The following PHF21B variants were observed in gnomAD, a reference collection of about 807,000 sequenced individuals.
PHF21B encodes the protein PHD finger protein 4.
In PHF21B, 22 loss-of-function variants were observed where a neutral mutation model predicts 62.2. The ratio of observed to expected loss-of-function variants is 0.35; its 90% CI spans 0.25 to 0.51. The LOEUF is 0.51. PHF21B is among the 20% of genes least tolerant of loss of function. PHF21B has a pLI of 0.97. For synonymous variants in PHF21B, 341 were observed against 314.7 expected (o/e 1.08, Z -0.88); for missense variants, 701 against 707.9 (o/e 0.99, Z 0.11).
chr22:44,980,618 C>G (rs901127029), intron 2 of PHF21B, among the ~76,000 whole-genome samples: 11 of 152,194 alleles, frequency 7.2e-5, no homozygotes, highest in African/African-American at 2.2e-4. Context: ...GAGGCAAATT[C>G]AGGGCAGCTG....
intron 2 of PHF21B, among the ~76,000 whole-genome samples, chr22:44,926,601 C>A (rs1367410055): frequency 6.6e-6 from 1 of 152,204 alleles, no homozygotes; most frequent in Non-Finnish European, 1.5e-5. Context: ...CTGCAGATAG[C>A]TCTGGGTGGG....
Position 45,009,410 on chromosome 22 carries a change from G to A in PHF21B, c.54+86C>T, listed in dbSNP as rs2147558231. 2.2e-6 allele frequency: 3 copies of A among 1,350,470 alleles called. No individual in the cohort carries two copies. Among genetic ancestry groups the A allele is most frequent in the Non-Finnish European group, 3.0e-6 (3 of 1,010,638 alleles). 83.7% of individuals were successfully genotyped at this position (1,350,470 alleles called of 1,614,324 possible). On this transcript the variant is annotated intron_variant, in intron 1 of 12. Coordinates refer to ENST00000313237, the MANE Select transcript of PHF21B (RefSeq NM_138415.5). The surrounding 1 kb of genome is among the most constrained non-coding windows in gnomAD (Gnocchi z 5.9). Reference sequence around the variant, plus strand: ...CCAGCCTGGAAGACCCAGAGACCCGGAAGAGAGGATGCTGGGCTCGGGTCC... The same window carrying A: ...CCAGCCTGGAAGACCCAGAGACCCGAAAGAGAGGATGCTGGGCTCGGGTCC...
intron 3 of PHF21B, among the ~76,000 whole-genome samples, chr22:44,918,494 C>T (rs1473590616): frequency 6.6e-6 from 1 of 152,232 alleles, no homozygotes; most frequent in African/African-American, 2.4e-5. Flanking sequence ...TGCCTCCTGG[C>T]CTGTATGCAG....
intron 8 of PHF21B, 150 bp downstream of exon 8, chr22:44,891,156 C>T (rs1168288119): frequency 1.2e-6 from 1 of 828,166 alleles, no homozygotes; most frequent in Non-Finnish European, 1.9e-6. Flanking sequence ...TGGGAGGCTC[C>T]TCTCAGCACA....
intron 2 of PHF21B, among the ~76,000 whole-genome samples, chr22:44,924,031 A>AGAAGAAAGATGAAGAAGAT: frequency 7.4e-6 from 1 of 134,550 alleles, no homozygotes; most frequent in Non-Finnish European, 1.6e-5. Context: ...ATGAAGAAGA[A>AGAAGAAAGATGAAGAAGAT]AGAAGAAAGA....
At chr22:44,930,544 C>A (rs1409181952) in intron 2 of PHF21B, among the ~76,000 whole-genome samples, 1 of 88,704 alleles carries the variant, frequency 1.1e-5, no homozygotes, top group Non-Finnish European at 2.1e-5. Flanking sequence ...ACATAGGAGT[C>A]GGGAGGCGGG....
intron 2 of PHF21B, among the ~76,000 whole-genome samples, chr22:44,946,635 A>ATGGGTGGATGGG (rs1569246197): frequency 6.6e-6 from 1 of 151,522 alleles, no homozygotes; most frequent in Non-Finnish European, 1.5e-5. Context: ...GGGTGGATGG[A>ATGGGTGGATGGG]TGGATGGGTG....
intron 2 of PHF21B, among the ~76,000 whole-genome samples, chr22:44,938,256 CAG>C (rs1035225959): frequency 2.6e-5 from 4 of 151,710 alleles, no homozygotes; most frequent in African/African-American, 9.7e-5. Flanking sequence ...TTTTTTGAGA[CAG>C]AGTCTCACTC....
intron 7 of PHF21B, 27 bp downstream of exon 7, chr22:44,893,430 G>T: frequency 6.3e-7 from 1 of 1,576,072 alleles, no homozygotes. Flanking sequence ...CACCCTCCTG[G>T]TGGCATGGGG....
At chr22:44,968,412 G>C (rs947136159) in intron 2 of PHF21B, among the ~76,000 whole-genome samples, 7 of 152,174 alleles carry the variant, frequency 4.6e-5, no homozygotes, top group Non-Finnish European at 8.8e-5. Flanking sequence ...AGGAGGCTGA[G>C]GTGGGCAGAT....
Position 44,924,379 on chromosome 22 carries a change from A to G in PHF21B, c.121-3889T>C, listed in dbSNP as rs186193657. ...AAGACAGTTTGGCAGTTAAAAAGTT[A>G]AACTTATGTATGGCAATGAACAGAA... On this transcript the variant is annotated intron_variant, in intron 2 of 12. Transcript: ENST00000313237. Among the ~76,000 whole-genome samples, 388 of 152,300 alleles carry G rather than the reference A, an allele frequency of 2.5e-3. 3 individuals are homozygous for G. The highest frequency in any genetic ancestry group is 6.8e-4 in the Non-Finnish European group (46 of 68,024).
chr22:44,959,912 A>G (rs558897607), intron 2 of PHF21B, among the ~76,000 whole-genome samples: 1 of 152,342 alleles, frequency 6.6e-6, no homozygotes, highest in South Asian at 2.1e-4. Flanking sequence ...TGAGGCAGCA[A>G]AAGTAAGCCT....
At chr22:44,928,556 CCCA>C (rs1569234203) in intron 2 of PHF21B, among the ~76,000 whole-genome samples, 1 of 152,038 alleles carries the variant, frequency 6.6e-6, no homozygotes, top group Non-Finnish European at 1.5e-5. Context: ...ATTACAGGCG[CCCA>C]CCACCATGTC....
intron 2 of PHF21B, among the ~76,000 whole-genome samples, chr22:44,959,665 G>A (rs933632136): frequency 1.3e-5 from 2 of 152,214 alleles, no homozygotes; most frequent in African/African-American, 4.8e-5. Flanking sequence ...TCTGAGCTGG[G>A]CACAGCAGAA....
At chr22:44,987,576 T>C (rs1349251999) in intron 2 of PHF21B, among the ~76,000 whole-genome samples, 1 of 152,122 alleles carries the variant, frequency 6.6e-6, no homozygotes, top group African/African-American at 2.4e-5. Context: ...TTGGGGAGGC[T>C]GTGCACAGGG....
chr22:44,943,076 T>C (rs2071993178), intron 2 of PHF21B, among the ~76,000 whole-genome samples: 1 of 147,814 alleles, frequency 6.8e-6, no homozygotes, highest in Non-Finnish European at 1.5e-5. Context: ...TGAATCCTGC[T>C]CAGCACCGCC....
At chr22:44,989,519 C>T (rs1353331351) in intron 2 of PHF21B, 1 of 151,454 alleles carries the variant, frequency 6.6e-6, no homozygotes. Context: ...CAGTCCCCTG[C>T]TCACTAATCA....
intron 2 of PHF21B, among the ~76,000 whole-genome samples, chr22:44,925,034 A>G (rs2147324152): frequency 6.6e-6 from 1 of 152,346 alleles, no homozygotes; most frequent in Non-Finnish European, 1.5e-5. Flanking sequence ...ACACTGCCAA[A>G]AAAACCCAGA....
chr22:45,005,064 C>T (rs1253273960), intron 2 of PHF21B, among the ~76,000 whole-genome samples: 2 of 152,256 alleles, frequency 1.3e-5, no homozygotes, highest in African/African-American at 4.8e-5. Context: ...GCTCGGAACT[C>T]CGAAGAGGGG....
Sources: gnomAD v4.1 joint callset for allele counts (sites outside exome capture counted in the v4.1 genomes callset) on GRCh38, gnomAD v4.1.1 for gene constraint, Gnocchi (gnomAD v3.1) non-coding constraint, MANE v1.5 for transcripts, NCBI Gene and HGNC (gene_info 2026-07-23, HGNC 2026-07-21) for gene names.